SLC8A1: variants seen among roughly 807,000 people sequenced by gnomAD.
The protein encoded by SLC8A1 is sodium/calcium exchanger 1.
A neutral mutation model predicts 68.3 loss-of-function variants in SLC8A1; 18 were observed. The ratio of observed to expected loss-of-function variants is 0.26; its 90% CI spans 0.18 to 0.39. The LOEUF is 0.39. Among genes scored for constraint, SLC8A1 ranks in the 10% least tolerant of loss-of-function variants. The pLI is 1.00. For missense variants in SLC8A1, 985 were observed against 1,156.7 expected (o/e 0.85, Z 2.15); for synonymous variants, 475 against 415.5 (o/e 1.14, Z -1.74).
chr2:40,136,379 T>C (rs1037182922), intron 7 of SLC8A1, among the ~76,000 whole-genome samples: 11 of 152,210 alleles, frequency 7.2e-5, no homozygotes, highest in Admixed American at 5.9e-4. Flanking sequence ...CTTTTCCCCA[T>C]ACATTTTGAA....
upstream of SLC8A1, chr2:40,452,158 G>C (rs1426694880): frequency 9.6e-3 from 1 of 104 alleles, no homozygotes; most frequent in Non-Finnish European, 0.033. Context: ...GCCGGGGCCC[G>C]GGCGCGCGCG....
At chr2:40,298,895 G>A (rs906929602) in intron 2 of SLC8A1, among the ~76,000 whole-genome samples, 1 of 152,126 alleles carries the variant, frequency 6.6e-6, no homozygotes, top group African/African-American at 2.4e-5. Context: ...TCTGGCCTTG[G>A]CCTTATCAAT....
chr2:40,212,294 T>TC (rs1316994831), intron 2 of SLC8A1, among the ~76,000 whole-genome samples: 1 of 146,540 alleles, frequency 6.8e-6, no homozygotes. Context: ...TTTTTTTTTT[T>TC]TTTTTTTCCT....
At chr2:40,390,726 T>C (rs960439756) in intron 2 of SLC8A1, among the ~76,000 whole-genome samples, 19 of 152,096 alleles carry the variant, frequency 1.2e-4, no homozygotes, top group African/African-American at 4.3e-4. Context: ...AACAACCCGA[T>C]ATGTAACTTT....
intron 2 of SLC8A1, among the ~76,000 whole-genome samples, chr2:40,261,223 C>A (rs1226212859): frequency 6.6e-6 from 1 of 152,162 alleles, no homozygotes; most frequent in African/African-American, 2.4e-5. Flanking sequence ...CCACAAGTCC[C>A]TGTGGAGTCT....
intron 3 of SLC8A1, 127 bp from the exon 5 acceptor site, chr2:40,174,969 T>C: frequency 3.4e-6 from 3 of 872,080 alleles, no homozygotes. Flanking sequence ...TTAAGAAGAC[T>C]AGGAAAATGT....
intron 2 of SLC8A1, among the ~76,000 whole-genome samples, chr2:40,237,292 C>G (rs1352190952): frequency 6.6e-6 from 1 of 151,920 alleles, no homozygotes; most frequent in East Asian, 1.9e-4. Flanking sequence ...TTCTTGGAGG[C>G]TTTGCTCATT....
intron 2 of SLC8A1, among the ~76,000 whole-genome samples, chr2:40,237,538 C>A (rs1467675687): frequency 1.2e-4 from 18 of 151,734 alleles, no homozygotes; most frequent in Admixed American, 1.1e-3. Flanking sequence ...AACTTCTTTG[C>A]CTTTGGTTTG....
intron 2 of SLC8A1, among the ~76,000 whole-genome samples, chr2:40,218,418 T>A (rs1416747258): frequency 6.6e-6 from 1 of 152,192 alleles, no homozygotes; most frequent in Non-Finnish European, 1.5e-5. Context: ...TATGACCAAG[T>A]AGGTTAAAAT....
intron 6 of SLC8A1, among the ~76,000 whole-genome samples, chr2:40,145,295 C>G (rs1188043835): frequency 6.6e-6 from 1 of 152,178 alleles, no homozygotes; most frequent in Non-Finnish European, 1.5e-5. Context: ...TAAGGAATCT[C>G]TCCTTTAGAG....
chr2:40,262,153 G>A (rs2064796806), intron 2 of SLC8A1, among the ~76,000 whole-genome samples: 1 of 152,016 alleles, frequency 6.6e-6, no homozygotes, highest in Admixed American at 6.5e-5. Flanking sequence ...AGTAGAGACG[G>A]GGTTTCACCA....
At chr2:40,159,019 C>T (rs113315184) in intron 6 of SLC8A1, among the ~76,000 whole-genome samples, 1 of 152,226 alleles carries the variant, frequency 6.6e-6, no homozygotes, top group African/African-American at 2.4e-5. Context: ...AAAATGTTTC[C>T]TTGTTCTTGA....
intron 1 of SLC8A1, among the ~76,000 whole-genome samples, chr2:40,457,481 G>T (rs1703090238): frequency 6.6e-6 from 1 of 152,204 alleles, no homozygotes; most frequent in Non-Finnish European, 1.5e-5. Flanking sequence ...TGCCCAGACA[G>T]TAGCCCTTGA....
At chr2:40,292,651 A>G (rs370108302) in intron 2 of SLC8A1, among the ~76,000 whole-genome samples, 2 of 152,318 alleles carry the variant, frequency 1.3e-5, no homozygotes, top group African/African-American at 4.8e-5. Context: ...TAAATCAGTA[A>G]GACCTTGGAA....
chr2:40,171,027 C>T (rs974252583), intron 4 of SLC8A1, among the ~76,000 whole-genome samples: 3 of 152,184 alleles, frequency 2.0e-5, no homozygotes, highest in African/African-American at 7.2e-5. Flanking sequence ...CCTGGTTCAG[C>T]TGACTTCCAG....
intron 2 of SLC8A1, among the ~76,000 whole-genome samples, chr2:40,311,645 T>C (rs145014213): frequency 2.0e-5 from 3 of 152,248 alleles, no homozygotes; most frequent in Non-Finnish European, 2.9e-5. Context: ...GTATTGACAA[T>C]TGTATCCCCA....
intron 2 of SLC8A1, among the ~76,000 whole-genome samples, chr2:40,222,697 A>G (rs2058491155): frequency 6.6e-6 from 1 of 152,224 alleles, no homozygotes; most frequent in African/African-American, 2.4e-5. Context: ...CCCCATCAAA[A>G]AGTGGGCAAA....
chr2:40,460,740 T>G (rs1384082943), intron 1 of SLC8A1, among the ~76,000 whole-genome samples: 1 of 151,988 alleles, frequency 6.6e-6, no homozygotes, highest in Non-Finnish European at 1.5e-5. Flanking sequence ...CCCAGCTGAT[T>G]TTTTATATCT....
chr2:40,362,477 G>T (rs543866256), intron 2 of SLC8A1, among the ~76,000 whole-genome samples: 2 of 152,016 alleles, frequency 1.3e-5, no homozygotes, highest in Non-Finnish European at 2.9e-5. Flanking sequence ...GCATCATTGT[G>T]CTACTATTTT....
Sources: allele counts gnomAD v4.1 joint callset (sites outside exome capture counted in the v4.1 genomes callset), GRCh38; gene constraint gnomAD v4.1.1; transcripts MANE v1.5; gene names NCBI Gene and HGNC (gene_info 2026-07-23, HGNC 2026-07-21).